SLC7A1: variants seen among roughly 807,000 people sequenced by gnomAD.
SLC7A1 encodes high affinity cationic amino acid transporter 1.
SLC7A1 carries 10 observed loss-of-function variants against 53.9 expected under a neutral mutation model. That is an observed-to-expected ratio of 0.19 (90% CI 0.11 to 0.31). SLC7A1 has a LOEUF of 0.31. Among genes scored for constraint, SLC7A1 ranks in the 10% least tolerant of loss-of-function variants. The pLI is 1.00. For synonymous variants in SLC7A1, 342 were observed against 338.7 expected (o/e 1.01, Z -0.11); for missense variants, 525 against 827.2 (o/e 0.63, Z 4.48).
At chr13:29,523,134 C>T in intron 7 of SLC7A1, 132 bp downstream of exon 7, 1 of 739,794 alleles carries the variant, frequency 1.4e-6, no homozygotes, top group Non-Finnish European at 2.3e-6. Flanking sequence ...GGGTTGGGTA[C>T]TGGGTCTATT....
chr13:29,518,320 T>C (rs1369066096), intron 9 of SLC7A1, among the ~76,000 whole-genome samples: 4 of 152,146 alleles, frequency 2.6e-5, no homozygotes, highest in African/African-American at 9.7e-5. Flanking sequence ...ATGTGGCTTG[T>C]TGGAGGGCCG....
At chr13:29,518,200 G>A (rs145601783) in intron 9 of SLC7A1, among the ~76,000 whole-genome samples, 1 of 152,346 alleles carries the variant, frequency 6.6e-6, no homozygotes, top group South Asian at 2.1e-4. Flanking sequence ...TTGGCACAGA[G>A]AGCCAGAGAA....
chr13:29,544,515 C>A (rs1279863197), intron 2 of SLC7A1, among the ~76,000 whole-genome samples: 1 of 152,202 alleles, frequency 6.6e-6, no homozygotes, highest in Admixed American at 6.5e-5. Context: ...ATTCTAGAGA[C>A]AAGGAGACGC....
At chr13:29,587,377 T>C (rs1871927026) in intron 1 of SLC7A1, among the ~76,000 whole-genome samples, 1 of 152,224 alleles carries the variant, frequency 6.6e-6, no homozygotes, top group South Asian at 2.1e-4. Flanking sequence ...GCACCAGTTT[T>C]AAAACCTTTC....
chr13:29,575,387 T>G (rs1265696410), intron 1 of SLC7A1, among the ~76,000 whole-genome samples: 1 of 152,248 alleles, frequency 6.6e-6, no homozygotes, highest in Non-Finnish European at 1.5e-5. Flanking sequence ...AGCCGAGTGC[T>G]GTATACTGCC....
intron 2 of SLC7A1, among the ~76,000 whole-genome samples, chr13:29,540,743 C>A (rs576817101): frequency 6.6e-6 from 1 of 152,204 alleles, no homozygotes; most frequent in Non-Finnish European, 1.5e-5. Context: ...AATGGCCAGG[C>A]CCCAGTCGAC....
chr13:29,519,408 C>T, intron 9 of SLC7A1, 39 bp downstream of exon 9: 1 of 1,210,002 alleles, frequency 8.3e-7, no homozygotes, highest in Non-Finnish European at 1.2e-6. Flanking sequence ...CCAGGTGCAT[C>T]TGCATTTCTG....
rs1431106972 is a variant in SLC7A1, at chr13:29,514,188, C to G, written c.*292G>C. 1 of 417,424 alleles carries G rather than the reference C, an allele frequency of 2.4e-6. No homozygotes were observed. The highest frequency in any genetic ancestry group is 2.0e-5 in the African/African-American group (1 of 50,028). 25.9% of individuals were successfully genotyped at this position (417,424 alleles called of 1,614,324 possible). ...TGCCTGAGGCTGCGGCAGCTCGGGG[C>G]TGAGCTGGTAGGGGAGGAACTGCTT... On this transcript the variant is annotated 3_prime_UTR_variant, in exon 13 of 13. Coordinates refer to ENST00000380752, the MANE Select transcript of SLC7A1 (RefSeq NM_003045.5).
intron 1 of SLC7A1, among the ~76,000 whole-genome samples, chr13:29,578,416 C>T (rs73454217): frequency 0.013 from 2,012 of 152,252 alleles, 48 homozygotes; most frequent in African/African-American, 0.046. Flanking sequence ...AATACACACA[C>T]ATCTGCAAGT....
chr13:29,526,501 T>A (rs1315381237), intron 5 of SLC7A1, among the ~76,000 whole-genome samples: 6 of 152,056 alleles, frequency 3.9e-5, no homozygotes, highest in Admixed American at 1.3e-4. Flanking sequence ...CTAAAATAAT[T>A]TTTAAAAATT....
chr13:29,586,958 G>T (rs1330659707), intron 1 of SLC7A1, among the ~76,000 whole-genome samples: 9 of 152,186 alleles, frequency 5.9e-5, no homozygotes, highest in African/African-American at 2.2e-4. Context: ...TTCAGCTCTG[G>T]CCCGTCCAGG....
intron 1 of SLC7A1, among the ~76,000 whole-genome samples, chr13:29,592,760 C>A (rs1872162363): frequency 6.6e-6 from 1 of 152,166 alleles, no homozygotes; most frequent in African/African-American, 2.4e-5. Flanking sequence ...GAGGTCTAAA[C>A]CCTGGGGTGG....
At chr13:29,591,519 T>A (rs2669037) in intron 1 of SLC7A1, among the ~76,000 whole-genome samples, 1 of 152,290 alleles carries the variant, frequency 6.6e-6, no homozygotes, top group South Asian at 2.1e-4. Flanking sequence ...GTTTCTACAA[T>A]GCAGAACTCA....
intron 1 of SLC7A1, among the ~76,000 whole-genome samples, chr13:29,590,842 G>A (rs1373527507): frequency 6.6e-6 from 1 of 152,164 alleles, no homozygotes; most frequent in Non-Finnish European, 1.5e-5. Context: ...AGTGGCTCAC[G>A]ACCATAAACC....
chr13:29,541,991 T>C (rs1476824419), intron 2 of SLC7A1, among the ~76,000 whole-genome samples: 1 of 152,240 alleles, frequency 6.6e-6, no homozygotes, highest in Non-Finnish European at 1.5e-5. Flanking sequence ...AATTTTACTA[T>C]TCACTATCAT....
chr13:29,589,604 G>A (rs890775908), intron 1 of SLC7A1, among the ~76,000 whole-genome samples: 1 of 152,194 alleles, frequency 6.6e-6, no homozygotes, highest in Non-Finnish European at 1.5e-5. Context: ...GGGAAATCAG[G>A]GCAAAGAGAG....
rs534346933 is a variant in SLC7A1 at position 29,532,975 on chromosome 13, T to C, written c.378A>G (p.Ser126=). ...TGGCGCTCCAGGCCCTCGCTACGCTTGAAGTACCTGCCACAAAGCACACAC... is the reference window on the plus strand; with the variant it reads ...TGGCGCTCCAGGCCCTCGCTACGCTCGAAGTACCTGCCACAAAGCACACAC... The part of the protein sequence containing the change: ...NLILSYIIGT[S]SVARAWSATF... The change falls in exon 4 of 13, where the codon TCA becomes TCG. Residue 126 remains serine, a synonymous_variant. Coordinates refer to ENST00000380752, the MANE Select transcript of SLC7A1 (RefSeq NM_003045.5). 8.7e-6 allele frequency: 14 copies of C among 1,611,454 alleles called. No individual in the cohort carries two copies. The South Asian group carries it at 1.4e-4, about 16-fold the overall frequency.
intron 1 of SLC7A1, among the ~76,000 whole-genome samples, chr13:29,568,049 T>A (rs1871044314): frequency 6.6e-6 from 1 of 152,134 alleles, no homozygotes; most frequent in South Asian, 2.1e-4. Flanking sequence ...ATCGAAAAAA[T>A]GGCTCTGCCC....
chr13:29,578,287 G>GT (rs967981032), intron 1 of SLC7A1, among the ~76,000 whole-genome samples: 44 of 149,146 alleles, frequency 3.0e-4, no homozygotes, highest in South Asian at 4.3e-4. Context: ...CACAACTGAA[G>GT]TTTTTTTTTT....
Sources: gnomAD v4.1 joint callset for allele counts (sites outside exome capture counted in the v4.1 genomes callset) on GRCh38, gnomAD v4.1.1 for gene constraint, MANE v1.5 for transcripts, NCBI Gene and HGNC (gene_info 2026-07-23, HGNC 2026-07-21) for gene names.